Variants in FAM111B observed in about 807,000 individuals in gnomAD.
The protein encoded by FAM111B is serine protease FAM111B.
FAM111B carries 1 observed loss-of-function variant against 2.8 expected under a neutral mutation model. That is an observed-to-expected ratio of 0.36 (90% confidence interval 0.13 to 1.70). The LOEUF (loss-of-function observed/expected upper bound fraction) is 1.70. Among genes scored for constraint, FAM111B ranks in the 40% most tolerant of loss-of-function variants. The probability of loss-of-function intolerance (pLI) is 0.35; values close to 1 mark genes in which losing one functional copy is unlikely to be tolerated. For missense variants in FAM111B, 882 were observed against 878.9 expected (o/e 1.00, Z -0.04); for synonymous variants, 297 against 295.6 (o/e 1.00, Z -0.05).
chr11:59,124,021 C>T (rs1354770327), intron 3 of FAM111B, among the ~76,000 whole-genome samples, 158 bp from the exon 4 acceptor site: 1 of 106,822 alleles, frequency 9.4e-6, no homozygotes, highest in African/African-American at 3.0e-5. Flanking sequence ...GAATGAGTAT[C>T]TAAATTGATA....
At chr11:59,115,437 T>C (rs1323437159) in intron 3 of FAM111B, among the ~76,000 whole-genome samples, 1 of 152,220 alleles carries the variant, frequency 6.6e-6, no homozygotes, top group Non-Finnish European at 1.5e-5. Flanking sequence ...AACACCCAGC[T>C]TCTTGTGTTA....
chr11:59,120,868 A>T (rs1859910225), intron 3 of FAM111B, among the ~76,000 whole-genome samples: 1 of 152,236 alleles, frequency 6.6e-6, no homozygotes, highest in Admixed American at 6.5e-5. Context: ...TTGAGGGGAC[A>T]CAGTTCAACC....
intron 3 of FAM111B, among the ~76,000 whole-genome samples, chr11:59,121,446 C>T (rs542072504): frequency 8.3e-4 from 127 of 152,178 alleles, no homozygotes; most frequent in African/African-American, 3.0e-3. Flanking sequence ...TGGATAACAC[C>T]AAGCTTTGAT....
intron 3 of FAM111B, among the ~76,000 whole-genome samples, chr11:59,123,617 A>C (rs1859957365): frequency 6.6e-6 from 1 of 152,224 alleles, no homozygotes. Flanking sequence ...CAGCAATGAA[A>C]GGATGGATTA....
chr11:59,126,279 C>G lies in FAM111B; in HGVS notation c.2182C>G (p.Gln728Glu), dbSNP rs1328507246. 1 of 1,543,134 alleles carries G rather than the reference C, an allele frequency of 6.5e-7. No homozygotes were observed. The highest frequency in any genetic ancestry group is 8.7e-7 in the Non-Finnish European group (1 of 1,150,676). The change falls in exon 4 of 4, where the codon CAG (glutamine) becomes GAG (glutamate). Residue 728 changes from glutamine (Q) to glutamate (E), a missense_variant. Coordinates refer to ENST00000343597, the MANE Select transcript of FAM111B (RefSeq NM_198947.4). Reference sequence around the variant, plus strand: ...ACAAGAGTCATCACTTCAAGATCATCAGATTGAACCCATGGAATGTTAGAA... The same window carrying G: ...ACAAGAGTCATCACTTCAAGATCATGAGATTGAACCCATGGAATGTTAGAA... ...GKQESSLQDHQIEPMEC is the reference protein window; with the variant it reads ...GKQESSLQDHEIEPMEC
chr11:59,112,430 C>T (rs965705338), intron 3 of FAM111B, among the ~76,000 whole-genome samples: 2 of 152,118 alleles, frequency 1.3e-5, no homozygotes, highest in Non-Finnish European at 2.9e-5. Flanking sequence ...TGAATTGTTT[C>T]CAGTTTGGGG....
rs1463681151 is a variant in FAM111B at position 59,109,603 on chromosome 11, G to A, written c.-23G>A. The stretch of plus-strand genomic sequence containing the variant: ...CCATCTTATCGAGTAGTAGAAGTTA[G>A]TTACATTCTCTTTGAACTCATCATG... On this transcript the variant is annotated 5_prime_UTR_variant, in exon 3 of 4. Transcript: ENST00000343597. The A allele has an allele frequency of 2.0e-6, 3 of 1,521,550 alleles. No homozygotes were observed. Among genetic ancestry groups the A allele is most frequent in the South Asian group, 2.4e-5 (2 of 84,102 alleles). 94.3% of individuals were successfully genotyped at this position (1,521,550 alleles called of 1,614,324 possible).
rs750262307 is a variant in FAM111B, at chr11:59,126,021, G to A, written c.1924G>A (p.Asp642Asn). 3 of 1,613,802 alleles carry A rather than the reference G, an allele frequency of 1.9e-6. No homozygotes were observed. The highest frequency in any genetic ancestry group is 2.5e-6 in the Non-Finnish European group (3 of 1,179,874). ...TTGGAACACACACACGCTTAGTTAT[G>A]ATACTTGTTTCTCTGATGGGTCCTC... ...EVWNTHTLSY[D>N]TCFSDGSSGS... The change falls in exon 4 of 4, where the codon GAT (aspartate) becomes AAT (asparagine). Residue 642 changes from aspartate to asparagine, a missense_variant. Transcript: ENST00000343597.
At chr11:59,112,885 C>T (rs1859780994) in intron 3 of FAM111B, among the ~76,000 whole-genome samples, 1 of 152,082 alleles carries the variant, frequency 6.6e-6, no homozygotes, top group African/African-American at 2.4e-5. Context: ...GAAACAAGTC[C>T]TTTGTCATAT....
intron 3 of FAM111B, among the ~76,000 whole-genome samples, chr11:59,112,460 T>G (rs1248678281): frequency 6.6e-6 from 1 of 152,240 alleles, no homozygotes; most frequent in Non-Finnish European, 1.5e-5. Context: ...ATAAAGCTGT[T>G]GTGAACATTT....
intron 3 of FAM111B, among the ~76,000 whole-genome samples, chr11:59,111,488 C>A (rs1183717948): frequency 1.3e-5 from 2 of 152,042 alleles, no homozygotes; most frequent in African/African-American, 4.8e-5. Flanking sequence ...TCACTTAAGA[C>A]TTTGTTAAGT....
chr11:59,122,488 TA>T (rs1264505389), intron 3 of FAM111B, among the ~76,000 whole-genome samples: 1 of 152,204 alleles, frequency 6.6e-6, no homozygotes, highest in Non-Finnish European at 1.5e-5. Context: ...TTTGCATGCA[TA>T]ATATGTTTTA....
Position 59,126,338 on chromosome 11 carries a change from A to C in FAM111B, c.*36A>C, listed in dbSNP as rs1415876320. On this transcript the variant is annotated 3_prime_UTR_variant, in exon 4 of 4. Transcript: ENST00000343597. The stretch of plus-strand genomic sequence containing the variant: ...CTGTCTTCAAGAAAATATGCCAATA[A>C]TTCCTGGCAAAGATTTCATGACAAA... 6.9e-7 allele frequency: 1 copy of C among 1,456,552 alleles called. No individual in the cohort carries two copies. The highest frequency in any genetic ancestry group is 2.3e-5 in the East Asian group (1 of 43,048). The allele number at this position is 1,456,552 out of a possible 1,614,324, so 90.2% of individuals were successfully genotyped here. A position where few individuals can be genotyped will look rare whatever the true frequency, so the allele number is the denominator to read the frequency against.
At chr11:59,109,950 G>A (rs1859733372) in intron 3 of FAM111B, 4 of 284,996 alleles carry the variant, frequency 1.4e-5, no homozygotes, top group Admixed American at 4.9e-5. Context: ...TTAAAGTCTT[G>A]GAAAGTGTAG....
Position 59,109,620 on chromosome 11 carries a change from C to CAG in FAM111B, c.-6_-5insAG. On this transcript the variant is annotated 5_prime_UTR_variant, in exon 3 of 4. Transcript: ENST00000343597. ...AGAAGTTAGTTACATTCTCTTTGAACTCATCATGAATTCCATGAAGACTGA... is the reference window on the plus strand; with the variant it reads ...AGAAGTTAGTTACATTCTCTTTGAACAGTCATCATGAATTCCATGAAGACTGA... The CAG allele has an allele frequency of 6.3e-7, 1 of 1,590,476 alleles. No homozygotes were observed. The highest frequency in any genetic ancestry group is 1.1e-5 in the South Asian group (1 of 89,460).
At chr11:59,120,500 G>A (rs1445404119) in intron 3 of FAM111B, among the ~76,000 whole-genome samples, 1 of 152,184 alleles carries the variant, frequency 6.6e-6, no homozygotes, top group African/African-American at 2.4e-5. Flanking sequence ...AAGTACCACT[G>A]ACTGTTTGGC....
At chr11:59,109,389 G>A in intron 2 of FAM111B, 151 bp from the exon 3 acceptor site, 25 of 314,826 alleles carry the variant, frequency 7.9e-5, no homozygotes. Flanking sequence ...CCTAAGATAT[G>A]CCTTGGAAAC....
At chr11:59,118,298 C>G (rs1859869953) in intron 3 of FAM111B, among the ~76,000 whole-genome samples, 1 of 152,158 alleles carries the variant, frequency 6.6e-6, no homozygotes. Flanking sequence ...CTGCCTCACT[C>G]CTTCAGACCT....
At chr11:59,122,453 G>T (rs1859938296) in intron 3 of FAM111B, among the ~76,000 whole-genome samples, 1 of 152,196 alleles carries the variant, frequency 6.6e-6, no homozygotes, top group South Asian at 2.1e-4. Context: ...TTTAGTATAT[G>T]AAATATAGGG....
Sources: gnomAD v4.1 joint callset for allele counts (sites outside exome capture counted in the v4.1 genomes callset) on GRCh38, gnomAD v4.1.1 for gene constraint, MANE v1.5 for transcripts, NCBI Gene and HGNC (gene_info 2026-07-23, HGNC 2026-07-21) for gene names.